The following HAL variants were observed in gnomAD, a reference collection of about 807,000 sequenced individuals.
HAL encodes the protein histidase.
Under a neutral mutation model 81.1 loss-of-function variants are expected in HAL, and 85 were observed. The ratio of observed to expected loss-of-function variants is 1.05; its 90% CI spans 0.88 to 1.25. HAL has a LOEUF of 1.25. Ranked by LOEUF, HAL falls within the 50% of genes most tolerant of loss-of-function variation. HAL has a pLI of 0.00. For missense variants in HAL, 798 were observed against 836.6 expected (o/e 0.95, Z 0.57); for synonymous variants, 301 against 309.2 (o/e 0.97, Z 0.28).
At chr12:95,980,412 C>T (rs185719801) in intron 17 of HAL, 144 bp downstream of exon 17, 17 of 772,382 alleles carry the variant, frequency 2.2e-5, no homozygotes, top group Admixed American at 4.0e-5. Flanking sequence ...TAACCTGTTA[C>T]CTTTGCACTG....
intron 10 of HAL, among the ~76,000 whole-genome samples, chr12:95,988,743 C>T (rs555892491): frequency 6.6e-6 from 1 of 152,188 alleles, no homozygotes; most frequent in African/African-American, 2.4e-5. Context: ...GTGTGAGCAC[C>T]AATGAAGAGG....
chr12:95,990,820 G>GA (rs918955875), intron 9 of HAL, among the ~76,000 whole-genome samples: 2 of 152,096 alleles, frequency 1.3e-5, no homozygotes, highest in African/African-American at 4.8e-5. Context: ...CAGCAAGAAG[G>GA]AAAGAAGGGC....
chr12:95,992,571 A>G (rs1257509686), intron 9 of HAL, 109 bp downstream of exon 9: 2 of 1,024,554 alleles, frequency 2.0e-6, no homozygotes, highest in Admixed American at 2.0e-5. Context: ...ACTCATTTCA[A>G]TTATTTCATG....
intron 20 of HAL, chr12:95,976,096 C>T (rs540743530): frequency 5.3e-6 from 2 of 378,066 alleles, no homozygotes; most frequent in South Asian, 4.3e-5. Context: ...GAAGGGAACG[C>T]ACTTTTGAAT....
Position 95,987,180 on chromosome 12 carries a change from G to A in HAL, c.938C>T (p.Thr313Ile). The A allele has an allele frequency of 6.2e-7, 1 of 1,613,910 alleles. No homozygotes were observed. The highest frequency in any genetic ancestry group is 8.5e-7 in the Non-Finnish European group (1 of 1,179,748). Reference sequence around the variant, plus strand: ...CTCTACAGCTTCACAGCCCAGGGATGTGATCATCTGCGTCCCATTGATGAG... The same window carrying A: ...CTCTACAGCTTCACAGCCCAGGGATATGATCATCTGCGTCCCATTGATGAG... ...LALINGTQMI[T>I]SLGCEAVERA... The change falls in exon 12 of 21, where the codon ACA (threonine) becomes ATA (isoleucine). Residue 313 changes from threonine to isoleucine, a missense_variant. By Grantham distance (89) the Thr-to-Ile change is moderately conservative. Transcript: ENST00000261208.
intron 10 of HAL, among the ~76,000 whole-genome samples, chr12:95,989,166 C>T (rs1023255243): frequency 2.0e-5 from 3 of 152,116 alleles, no homozygotes; most frequent in Non-Finnish European, 4.4e-5. Flanking sequence ...GAGACGGAAG[C>T]TTCTTAGAGG....
intron 17 of HAL, 37 bp downstream of exon 17, chr12:95,980,519 A>G (rs1389383819): frequency 4.4e-6 from 7 of 1,599,440 alleles, no homozygotes; most frequent in Non-Finnish European, 6.0e-6. Flanking sequence ...CCTTAGATGG[A>G]CGGGCGTGTG....
Position 95,994,153 on chromosome 12 carries a change from TA to T in HAL, c.347del (p.Leu116Ter). On this transcript the variant is annotated frameshift_variant, in exon 5 of 21. Coordinates refer to ENST00000261208, the MANE Select transcript of HAL (RefSeq NM_002108.4). LOFTEE classifies it high-confidence loss of function. ...CCTCCGTGGTCAGACGGTCTCCATC[TA>T]ACTCGATGTACTACACAAAAGAAGG... ...KYREPEKYIE[L>X]DGDRLTTEDL... 6 of 1,611,362 alleles carry T rather than the reference TA, an allele frequency of 3.7e-6. No individual in the cohort carries two copies. Among genetic ancestry groups the T allele is most frequent in the Non-Finnish European group, 5.1e-6 (6 of 1,177,440 alleles).
intron 14 of HAL, among the ~76,000 whole-genome samples, chr12:95,984,462 C>T (rs935179581): frequency 3.9e-5 from 6 of 152,306 alleles, no homozygotes; most frequent in South Asian, 2.1e-4. Context: ...TTATCCAAGG[C>T]GGTAAAGTTC....
In HAL at chr12:95,995,952, G is replaced by C. The variant is rs776299518; in HGVS notation, c.-42C>G. 2.5e-6 allele frequency: 4 copies of C among 1,597,558 alleles called. No homozygotes were observed. In the Admixed American group the frequency reaches 6.7e-5, roughly 27 times the overall value. The stretch of plus-strand genomic sequence containing the variant: ...GAGGTCCTCAGCTGGTCACAGGAGG[G>C]GAGAGCTTTATGCAGGAGTGGCTAC... On this transcript the variant is annotated 5_prime_UTR_variant, in exon 2 of 21. Coordinates refer to ENST00000261208, the MANE Select transcript of HAL (RefSeq NM_002108.4).
chr12:95,973,378 T>A lies in HAL; in HGVS notation c.*854A>T, dbSNP rs927913666. On this transcript the variant is annotated 3_prime_UTR_variant, in exon 21 of 21. Coordinates refer to ENST00000261208, the MANE Select transcript of HAL (RefSeq NM_002108.4). ...TATCAATAGGACTTATTTTAATGAT[T>A]ACCATTACAGAAAGGAGGTTGGTTA... 1 of 152,186 alleles carries A rather than the reference T, an allele frequency of 6.6e-6. No individual in the cohort carries two copies. The highest frequency in any genetic ancestry group is 1.5e-5 in the Non-Finnish European group (1 of 68,024). The allele number at this position is 152,186 out of a possible 1,614,324, so 9.4% of individuals were successfully genotyped here. A position where few individuals can be genotyped will look rare whatever the true frequency, so the allele number is the denominator to read the frequency against.
At chr12:95,989,048 G>C (rs892921205) in intron 10 of HAL, among the ~76,000 whole-genome samples, 1 of 152,220 alleles carries the variant, frequency 6.6e-6, no homozygotes, top group Non-Finnish European at 1.5e-5. Context: ...AGTACATTCA[G>C]TGCTTGAGGA....
intron 20 of HAL, 62 bp from the exon 21 acceptor site, chr12:95,974,434 A>G: frequency 6.9e-7 from 1 of 1,445,716 alleles, no homozygotes; most frequent in East Asian, 2.3e-5. Context: ...ATGCTATTAA[A>G]CATCAACTTC....
intron 9 of HAL, among the ~76,000 whole-genome samples, chr12:95,991,536 C>T (rs1270948266): frequency 6.6e-6 from 1 of 152,164 alleles, no homozygotes; most frequent in East Asian, 1.9e-4. Flanking sequence ...TCAATGAACA[C>T]GTGCCATTTT....
chr12:95,992,554 A>T, intron 9 of HAL, 126 bp downstream of exon 9: 1 of 872,172 alleles, frequency 1.1e-6, no homozygotes, highest in Admixed American at 2.1e-5. Context: ...TGCCAACGGC[A>T]TTTCCCACTC....
intron 17 of HAL, among the ~76,000 whole-genome samples, chr12:95,978,280 A>G (rs75099937): frequency 0.033 from 5,009 of 152,324 alleles, 110 homozygotes; most frequent in Non-Finnish European, 0.044. Context: ...CTCTAAAGCA[A>G]TAGTGAGTTC....
intron 10 of HAL, among the ~76,000 whole-genome samples, chr12:95,989,141 G>A (rs1431133202): frequency 6.6e-6 from 1 of 152,164 alleles, no homozygotes; most frequent in Non-Finnish European, 1.5e-5. Flanking sequence ...TCGAGAGGTA[G>A]GAAGTGGAGC....
chr12:95,980,828 TC>T lies in HAL; in HGVS notation c.1322del (p.Gly441GlufsTer13). On this transcript the variant is annotated frameshift_variant, in exon 16 of 21. Transcript: ENST00000261208. LOFTEE classifies it high-confidence loss of function. ...VFANRGETVS[G>X]GNFHGEYPAK... The stretch of plus-strand genomic sequence containing the variant: ...CTGGGTATTCACCATGGAAGTTTCC[TC>T]CAGAAACTGTCTCTCCCCTATTGGC... 6.3e-7 allele frequency: 1 copy of T among 1,594,074 alleles called. No homozygotes were observed. The highest frequency in any genetic ancestry group is 8.6e-7 in the Non-Finnish European group (1 of 1,161,960).
rs575307590 is a variant in HAL at position 95,990,973 on chromosome 12, G to T, written c.716-441C>A. Among the ~76,000 whole-genome samples, 8 of 152,298 alleles carry T rather than the reference G, an allele frequency of 5.3e-5. No homozygotes were observed. In the South Asian group the frequency reaches 1.7e-3, roughly 32 times the overall value. On this transcript the variant is annotated intron_variant, in intron 9 of 20. Coordinates refer to ENST00000261208, the MANE Select transcript of HAL (RefSeq NM_002108.4). ...AAACATACAAAAATTAGCCAAGTAT[G>T]GTGGTGCATGCCTGTAGTCCCAACT...
Sources: gnomAD v4.1 joint callset for allele counts (sites outside exome capture counted in the v4.1 genomes callset) on GRCh38, gnomAD v4.1.1 for gene constraint, MANE v1.5 for transcripts, NCBI Gene and HGNC (gene_info 2026-07-23, HGNC 2026-07-21) for gene names.